CEP350: variants seen among roughly 807,000 people sequenced by gnomAD.
CEP350 encodes the protein centrosomal protein 350.
Under a neutral mutation model 331.8 loss-of-function variants are expected in CEP350, and 126 were observed. That is an observed-to-expected ratio of 0.38 (90% CI 0.33 to 0.44). The LOEUF (loss-of-function observed/expected upper bound fraction) is 0.44, where lower values mean the gene tolerates loss of function less well. Ranked by LOEUF, CEP350 falls within the 20% of genes least tolerant of loss-of-function variation. The pLI is 1.00. For missense variants in CEP350, 3,406 were observed against 3,634.6 expected, an observed-to-expected ratio of 0.94 and a Z score of 1.62; for synonymous variants, 1,200 against 1,259.5, an observed-to-expected ratio of 0.95 and a Z score of 1.00.
chr1:179,963,349 T>C (rs1650770905), intron 1 of CEP350, among the ~76,000 whole-genome samples: 1 of 152,146 alleles, frequency 6.6e-6, no homozygotes, highest in Admixed American at 6.5e-5. Context: ...TTTGTTGCAT[T>C]TGCCTTTGAG....
chr1:180,065,569 C>T (rs1363590561), intron 27 of CEP350, among the ~76,000 whole-genome samples: 1 of 151,798 alleles, frequency 6.6e-6, no homozygotes, highest in Non-Finnish European at 1.5e-5. Context: ...ATCATCTGAG[C>T]CCAGGAATTC....
At chr1:179,984,419 T>G (rs1029531199) in intron 1 of CEP350, among the ~76,000 whole-genome samples, 2 of 152,212 alleles carry the variant, frequency 1.3e-5, no homozygotes, top group Non-Finnish European at 2.9e-5. Context: ...GAGGATCTAC[T>G]TGCAAGGGGA....
chr1:180,052,116 C>G (rs1180522983), intron 22 of CEP350: 2 of 419,694 alleles, frequency 4.8e-6, no homozygotes, highest in Admixed American at 2.8e-5. Flanking sequence ...AATATACATC[C>G]ATATATTACC....
chr1:180,094,458 A>C lies in CEP350; in HGVS notation c.8353A>C (p.Asn2785His). 6.2e-7 allele frequency: 1 copy of C among 1,613,918 alleles called. No homozygotes were observed. The highest frequency in any genetic ancestry group is 8.5e-7 in the Non-Finnish European group (1 of 1,179,818). ...CAGGGATGAGAAAATCCAGCTTAGCAATCAGGAGCTTCTTGGTGATGACCA... is the reference window on the plus strand; with the variant it reads ...CAGGGATGAGAAAATCCAGCTTAGCCATCAGGAGCTTCTTGGTGATGACCA... ...KTRDEKIQLS[N>H]QELLGDDQKK... Residue 2785 changes from asparagine (N) to histidine (H), a missense_variant, in exon 34 of 38, where the codon AAT becomes CAT. Physicochemically the swap from Asn to His is moderately conservative, Grantham distance 68. Coordinates refer to ENST00000367607, the MANE Select transcript of CEP350 (RefSeq NM_014810.5).
At chr1:179,968,354 A>G (rs115895419) in intron 1 of CEP350, among the ~76,000 whole-genome samples, 5,167 of 151,380 alleles carry the variant, frequency 0.034, 175 homozygotes, top group South Asian at 0.069. Flanking sequence ...AAAAAAGAGG[A>G]ATAAAATATC....
At chr1:180,077,872 G>A (rs936427983) in intron 28 of CEP350, among the ~76,000 whole-genome samples, 3 of 152,042 alleles carry the variant, frequency 2.0e-5, no homozygotes, top group East Asian at 1.9e-4. Context: ...GGTGGCTCAC[G>A]CCTGTAATCC....
intron 27 of CEP350, among the ~76,000 whole-genome samples, chr1:180,066,191 A>G (rs185014980): frequency 9.8e-4 from 149 of 152,302 alleles, no homozygotes; most frequent in Non-Finnish European, 1.8e-3. Context: ...AATTTATGTG[A>G]GACTTTACTC....
In CEP350 at chr1:180,044,145, T is replaced by C. The variant is rs770436205; in HGVS notation, c.4594T>C (p.Ser1532Pro). The C allele has an allele frequency of 7.7e-6, 12 of 1,568,092 alleles. No homozygotes were observed. The East Asian group carries it at 2.5e-4, about 33-fold the overall frequency. ...YSASYDSYSESSGYKNHDRRS... is the reference protein window; with the variant it reads ...YSASYDSYSEPSGYKNHDRRS... ...TGCTTCATATGATAGTTATTCTGAG[T>C]CTTCAGGATACAAGAATCATGATAG... The change falls in exon 21 of 38, where the codon TCT becomes CCT. Residue 1532 changes from serine (S) to proline (P), a missense_variant. This residue lies in a region of CEP350 where 1,857 missense variants were observed against 1,909.2 expected (regional missense o/e 0.97). Coordinates refer to ENST00000367607, the MANE Select transcript of CEP350 (RefSeq NM_014810.5).
chr1:179,955,070 C>T lies in CEP350; in HGVS notation c.-86C>T, dbSNP rs1208715054. 11 of 1,425,312 alleles carry T rather than the reference C, an allele frequency of 7.7e-6. 1 individual carries two copies. In the South Asian group the frequency reaches 8.5e-5, roughly 11 times the overall value. 88.3% of individuals were successfully genotyped at this position (1,425,312 alleles called of 1,614,324 possible). On this transcript the variant is annotated 5_prime_UTR_variant, in exon 1 of 38. Transcript: ENST00000367607. ...CGGGCAGCCCTGGGGCCGGTCGGGG[C>T]GGCGTCACTGCACCCTCCGCCAGGC...
At chr1:180,069,166 G>A (rs1208090361) in intron 27 of CEP350, among the ~76,000 whole-genome samples, 1 of 152,190 alleles carries the variant, frequency 6.6e-6, no homozygotes. Flanking sequence ...AGCATAGAAA[G>A]ATGAAGCCTT....
intron 10 of CEP350, among the ~76,000 whole-genome samples, chr1:180,015,513 C>CG: frequency 6.6e-6 from 1 of 152,168 alleles, no homozygotes; most frequent in African/African-American, 2.4e-5. Flanking sequence ...GGATTACAGG[C>CG]GTGAGCCACC....
Position 180,037,080 on chromosome 1 carries a change from G to A in CEP350, c.4101G>A (p.Gln1367=), listed in dbSNP as rs1420115993. 24 of 1,568,684 alleles carry A rather than the reference G, an allele frequency of 1.5e-5. No individual in the cohort carries two copies. The highest frequency in any genetic ancestry group is 1.6e-5 in the Non-Finnish European group (19 of 1,163,890). ...AGCAGGAGAGTGTGTCTCTAGCTCA[G>A]ATAATAAAGGTATTTTTGGAGTTTT... is the stretch of plus-strand genomic sequence containing the variant. The part of the protein sequence containing the change: ...LAQQESVSLA[Q]IIKAQQQRHE... Residue 1367 remains glutamine (Q), a synonymous_variant, in exon 17 of 38, where the codon CAG becomes CAA. Transcript: ENST00000367607.
In CEP350 at chr1:180,096,191, T is replaced by C. The variant is rs1305132459; in HGVS notation, c.9066+7T>C. 3 of 1,552,630 alleles carry C rather than the reference T, an allele frequency of 1.9e-6. No individual in the cohort carries two copies. The highest frequency in any genetic ancestry group is 2.6e-6 in the Non-Finnish European group (3 of 1,148,440). On this transcript the variant is annotated splice_region_variant and intron_variant, in intron 36 of 37. Transcript: ENST00000367607. ...TAACCTTGATGAAATCAAGGTAAAC[T>C]GCAAACTATAAAGTGTCTTCTTTTT... is the stretch of plus-strand genomic sequence containing the variant.
At position 179,996,686 on chromosome 1, in the gene CEP350, C is replaced by A; in HGVS notation, c.529C>A (p.Arg177=). Residue 177 remains arginine (R), a synonymous_variant, in exon 6 of 38, where the codon CGG becomes AGG. Transcript: ENST00000367607. ...AGGCAGTCGAGAAGAACGGAATATACGGAGCTGTGATTTTGAGAGCTCCCA... is the reference window on the plus strand; with the variant it reads ...AGGCAGTCGAGAAGAACGGAATATAAGGAGCTGTGATTTTGAGAGCTCCCA... The part of the protein sequence containing the change: ...MIGSREERNI[R]SCDFESSQSS... 1 of 1,613,498 alleles carries A rather than the reference C, an allele frequency of 6.2e-7. No homozygotes were observed. Among genetic ancestry groups the A allele is most frequent in the Non-Finnish European group, 8.5e-7 (1 of 1,179,664 alleles).
At chr1:180,107,765 A>C (rs1346485212) in intron 37 of CEP350, among the ~76,000 whole-genome samples, 1 of 152,118 alleles carries the variant, frequency 6.6e-6, no homozygotes, top group Non-Finnish European at 1.5e-5. Flanking sequence ...AAATTGGGCC[A>C]CATTCTATTT....
chr1:179,963,986 T>TA (rs1193430449), intron 1 of CEP350, among the ~76,000 whole-genome samples: 1 of 152,140 alleles, frequency 6.6e-6, no homozygotes, highest in Non-Finnish European at 1.5e-5. Flanking sequence ...TGTCATCTGT[T>TA]ATTTCCTTCA....
chr1:180,104,995 C>T lies in CEP350; in HGVS notation c.9190-6002C>T, dbSNP rs545153161. Among the ~76,000 whole-genome samples, 53 of 152,124 alleles carry T rather than the reference C, an allele frequency of 3.5e-4. 1 individual carries two copies. Among genetic ancestry groups the T allele is most frequent in the Non-Finnish European group, 1.9e-4 (13 of 68,012 alleles). ...AAATAACTCTTTTGTCATCACTTCC[C>T]CCTCCAATTTTCCCTTTACAATAAA... On this transcript the variant is annotated intron_variant, in intron 37 of 37. Transcript: ENST00000367607.
chr1:179,974,299 C>T (rs1428577241), intron 1 of CEP350, among the ~76,000 whole-genome samples: 1 of 152,170 alleles, frequency 6.6e-6, no homozygotes, highest in Non-Finnish European at 1.5e-5. Context: ...CCAGGATGGT[C>T]TCGATCTCCT....
intron 11 of CEP350, among the ~76,000 whole-genome samples, chr1:180,018,851 T>G (rs1655133331): frequency 9.0e-6 from 1 of 110,694 alleles, no homozygotes; most frequent in Non-Finnish European, 2.1e-5. Context: ...CGTCTTCTCT[T>G]TCTTTCTTTT....
Sources: allele counts gnomAD v4.1 joint callset (sites outside exome capture counted in the v4.1 genomes callset), GRCh38; gene constraint gnomAD v4.1.1; regional missense constraint gnomAD v4.1.1; transcripts MANE v1.5; gene names NCBI Gene and HGNC (gene_info 2026-07-23, HGNC 2026-07-21).